The following MYO5A variants were observed in gnomAD, a reference collection of about 807,000 sequenced individuals.
MYO5A encodes unconventional myosin-Va.
Under a neutral mutation model 249.7 loss-of-function variants are expected in MYO5A, and 98 were observed. The observed-to-expected ratio is 0.39, with a 90% CI of 0.33 to 0.46. The LOEUF (loss-of-function observed/expected upper bound fraction) is 0.46, where lower values mean the gene tolerates loss of function less well. Among genes scored for constraint, MYO5A ranks in the 20% least tolerant of loss-of-function variants. The probability of loss-of-function intolerance (pLI) is 0.98; values close to 1 mark genes in which losing one functional copy is unlikely to be tolerated. For missense variants in MYO5A, 1,696 were observed against 2,308.8 expected (o/e 0.73, Z 5.44); for synonymous variants, 778 against 810.6 (o/e 0.96, Z 0.68).
chr15:52,308,175 A>C lies in MYO5A; in HGVS notation c.*5521T>G, dbSNP rs182338642. The C allele has an allele frequency of 6.6e-6, 1 of 152,372 alleles. No individual in the cohort carries two copies. Among genetic ancestry groups the C allele is most frequent in the East Asian group, 1.9e-4 (1 of 5,194 alleles). 9.4% of individuals were successfully genotyped at this position (152,372 alleles called of 1,614,324 possible). A position where few individuals can be genotyped will look rare whatever the true frequency, so the allele number is the denominator to read the frequency against. On this transcript the variant is annotated 3_prime_UTR_variant, in exon 42 of 42. Coordinates refer to ENST00000399233, the MANE Select transcript of MYO5A (RefSeq NM_001382347.1). The stretch of plus-strand genomic sequence containing the variant: ...TACTGAGGAAACGTTAGTCATATGA[A>C]TCCAATAACGCCCATTAAGTTAAGC...
At chr15:52,358,373 C>A (rs1188060661) in intron 25 of MYO5A, among the ~76,000 whole-genome samples, 3 of 152,188 alleles carry the variant, frequency 2.0e-5, no homozygotes, top group Non-Finnish European at 4.4e-5. Flanking sequence ...TTCCTATCTA[C>A]TGAAGGCTCA....
chr15:52,433,413 C>CT (rs151276395), intron 1 of MYO5A, 128 bp from the exon 2 acceptor site: 21,295 of 268,692 alleles, frequency 0.079, 276 homozygotes, highest in African/African-American at 0.1. Context: ...ATGAAATTCA[C>CT]TTTTTTTTTT....
intron 8 of MYO5A, among the ~76,000 whole-genome samples, chr15:52,405,969 A>G (rs2042987365): frequency 1.3e-5 from 2 of 152,242 alleles, no homozygotes. Flanking sequence ...TAAGTCAAAG[A>G]GACGCCAAGA....
chr15:52,406,481 T>A (rs993114239), intron 8 of MYO5A, among the ~76,000 whole-genome samples: 1 of 152,238 alleles, frequency 6.6e-6, no homozygotes, highest in Non-Finnish European at 1.5e-5. Context: ...AGATTATGTT[T>A]CAGTAGGTCT....
chr15:52,375,357 T>C lies in MYO5A; in HGVS notation c.2524A>G (p.Ile842Val), dbSNP rs753854349. 40 of 1,613,986 alleles carry C rather than the reference T, an allele frequency of 2.5e-5. No homozygotes were observed. The African/African-American group carries it at 4.1e-4, about 17-fold the overall frequency. ...CCTCGCAAGTAAGACTGAAGAACGA[T>C]AGTGGCAGCTCGTCTAATCTTGTAC... Reference protein sequence around the residue: ...RRYKIRRAATIVLQSYLRGFL... With the variant: ...RRYKIRRAATVVLQSYLRGFL... Residue 842 changes from isoleucine to valine, a missense_variant, in exon 20 of 42, where the codon ATC becomes GTC. Ile to Val is a conservative substitution (Grantham distance 29). Transcript: ENST00000399233.
intron 12 of MYO5A, among the ~76,000 whole-genome samples, chr15:52,390,592 T>C (rs946376854): frequency 6.9e-5 from 10 of 144,492 alleles, no homozygotes; most frequent in African/African-American, 2.6e-4. Flanking sequence ...AGGGTTTCAC[T>C]CTTTTCACCC....
chr15:52,348,992 TG>T (rs2039804120), intron 28 of MYO5A, among the ~76,000 whole-genome samples, 166 bp from the exon 29 acceptor site: 1 of 152,202 alleles, frequency 6.6e-6, no homozygotes, highest in Non-Finnish European at 1.5e-5. Flanking sequence ...TTAACATTCC[TG>T]GAACTGTCAT....
At chr15:52,340,070 AAGAG>A in intron 32 of MYO5A, 122 bp downstream of exon 32, 1 of 935,224 alleles carries the variant, frequency 1.1e-6, no homozygotes, top group Non-Finnish European at 1.7e-6. Context: ...CTGCTGGAGT[AAGAG>A]GGGTAACAAG....
intron 1 of MYO5A, among the ~76,000 whole-genome samples, chr15:52,443,548 T>C (rs551020994): frequency 1.4e-3 from 216 of 151,052 alleles, no homozygotes; most frequent in African/African-American, 5.1e-3. Flanking sequence ...CCGTCTCTAC[T>C]AAAAACACAA....
chr15:52,324,651 G>C (rs555640505), intron 36 of MYO5A, among the ~76,000 whole-genome samples: 2 of 152,212 alleles, frequency 1.3e-5, no homozygotes, highest in Non-Finnish European at 2.9e-5. Flanking sequence ...AGCTGTATGA[G>C]AATATCTGCC....
chr15:52,407,428 G>C, intron 7 of MYO5A, 29 bp from the exon 8 acceptor site: 1 of 1,565,262 alleles, frequency 6.4e-7, no homozygotes. Context: ...AAAATTTTCT[G>C]GTTTATGAAA....
chr15:52,438,124 A>C, intron 1 of MYO5A: 3 of 847,556 alleles, frequency 3.5e-6, no homozygotes, highest in Non-Finnish European at 4.3e-6. Context: ...GAGGATATAT[A>C]CCTTAGATGC....
At chr15:52,371,627 C>G (rs1191767648) in intron 21 of MYO5A, among the ~76,000 whole-genome samples, 1 of 152,114 alleles carries the variant, frequency 6.6e-6, no homozygotes, top group Non-Finnish European at 1.5e-5. Context: ...GTAGCTCATG[C>G]TTGTAATCCC....
chr15:52,431,421 CAT>C (rs1367327060), intron 2 of MYO5A, among the ~76,000 whole-genome samples: 1 of 151,554 alleles, frequency 6.6e-6, no homozygotes, highest in African/African-American at 2.4e-5. Context: ...CATATGTAAA[CAT>C]AGACATAAAG....
intron 1 of MYO5A, among the ~76,000 whole-genome samples, chr15:52,500,226 T>G (rs898051829): frequency 2.0e-5 from 3 of 152,184 alleles, no homozygotes; most frequent in Non-Finnish European, 4.4e-5. Context: ...GAAATGATAT[T>G]TCATTGTAGG....
At chr15:52,342,405 A>G (rs1361554507) in intron 31 of MYO5A, among the ~76,000 whole-genome samples, 1 of 152,190 alleles carries the variant, frequency 6.6e-6, no homozygotes, top group East Asian at 1.9e-4. Context: ...AGACACATAT[A>G]TCCTGTAGAT....
At chr15:52,451,970 A>G (rs2076028801) in intron 1 of MYO5A, among the ~76,000 whole-genome samples, 1 of 152,222 alleles carries the variant, frequency 6.6e-6, no homozygotes, top group African/African-American at 2.4e-5. Flanking sequence ...ATGCCCAGTA[A>G]TTACTTACTG....
chr15:52,358,904 A>G (rs951510554), intron 25 of MYO5A, among the ~76,000 whole-genome samples: 1 of 152,232 alleles, frequency 6.6e-6, no homozygotes, highest in African/African-American at 2.4e-5. Flanking sequence ...GCCCCAGCCA[A>G]TGTTAGCTAT....
chr15:52,353,525 C>G (rs2040054787), intron 27 of MYO5A, 80 bp downstream of exon 27: 2 of 1,205,798 alleles, frequency 1.7e-6, no homozygotes, highest in Middle Eastern at 3.9e-4. Context: ...TAAGGATGTT[C>G]TCTGAGAAAA....
Sources: allele counts gnomAD v4.1 joint callset (sites outside exome capture counted in the v4.1 genomes callset), GRCh38; gene constraint gnomAD v4.1.1; transcripts MANE v1.5; gene names NCBI Gene and HGNC (gene_info 2026-07-23, HGNC 2026-07-21).